The following ITGA1 variants were observed in gnomAD, a reference collection of about 807,000 sequenced individuals.
ITGA1 encodes integrin alpha-1.
A neutral mutation model predicts 145.9 loss-of-function variants in ITGA1; 85 were observed. The observed-to-expected ratio is 0.58, with a 90% CI of 0.49 to 0.70. The LOEUF is 0.70. Among genes scored for constraint, ITGA1 ranks in the 30% least tolerant of loss-of-function variants. The pLI, the probability that ITGA1 is intolerant of heterozygous loss-of-function variation, is 0.00. For missense variants in ITGA1, 1,351 were observed against 1,418.7 expected (o/e 0.95, Z 0.77); for synonymous variants, 520 against 495.3 (o/e 1.05, Z -0.66).
In ITGA1 at chr5:52,920,450, G is replaced by A; in HGVS notation, c.2274G>A (p.Lys758=). 6.2e-7 allele frequency: 1 copy of A among 1,605,132 alleles called. No homozygotes were observed. The highest frequency in any genetic ancestry group is 8.5e-7 in the Non-Finnish European group (1 of 1,176,758). The change falls in exon 17 of 29, where the codon AAG becomes AAA. Residue 758 remains lysine (K), a synonymous_variant. Transcript: ENST00000282588. ...CAGTTCGAAAATCAGAATGCACTAA[G>A]CACTCCTTCTACATGTTGGCAAGTA... ...NITVRKSECT[K]HSFYMLDKHD...
In ITGA1 at chr5:52,952,461, T is replaced by A; in HGVS notation, c.*10T>A. On this transcript the variant is annotated 3_prime_UTR_variant, in exon 29 of 29. Coordinates refer to ENST00000282588, the MANE Select transcript of ITGA1 (RefSeq NM_181501.2). ...GAAAATGGAGAAATGAAATATTTTATGAAAGAAAATAATAACAATTATTCA... is the reference window on the plus strand; with the variant it reads ...GAAAATGGAGAAATGAAATATTTTAAGAAAGAAAATAATAACAATTATTCA... 3.2e-6 allele frequency: 4 copies of A among 1,257,606 alleles called. No homozygotes were observed. Among genetic ancestry groups the A allele is most frequent in the Middle Eastern group, 1.9e-4 (1 of 5,244 alleles). The allele number at this position is 1,257,606 out of a possible 1,614,324, so 77.9% of individuals were successfully genotyped here.
chr5:52,882,624 T>A (rs1561236416), intron 7 of ITGA1, among the ~76,000 whole-genome samples: 2 of 152,180 alleles, frequency 1.3e-5, no homozygotes, highest in African/African-American at 4.8e-5. Flanking sequence ...CTTTCTTCCA[T>A]CTGCAGTTTT....
intron 1 of ITGA1, among the ~76,000 whole-genome samples, chr5:52,794,250 C>T (rs1748296178): frequency 6.6e-6 from 1 of 151,422 alleles, no homozygotes; most frequent in Non-Finnish European, 1.5e-5. Flanking sequence ...TTAAATATAG[C>T]ACCTAAGTCA....
At chr5:52,843,984 G>C (rs1457408943) in intron 1 of ITGA1, among the ~76,000 whole-genome samples, 1 of 152,094 alleles carries the variant, frequency 6.6e-6, no homozygotes, top group East Asian at 1.9e-4. Flanking sequence ...TAAGCAGAAA[G>C]CACTGCAGAG....
At chr5:52,900,128 T>C (rs1750291764) in intron 11 of ITGA1, among the ~76,000 whole-genome samples, 1 of 152,154 alleles carries the variant, frequency 6.6e-6, no homozygotes, top group Non-Finnish European at 1.5e-5. Flanking sequence ...GTATGATATG[T>C]GCTATGACAC....
At chr5:52,942,042 C>T (rs1263998961) in intron 26 of ITGA1, among the ~76,000 whole-genome samples, 10 of 152,110 alleles carry the variant, frequency 6.6e-5, no homozygotes, top group Non-Finnish European at 1.5e-5. Context: ...ATTCCTTTCC[C>T]CATTGCTTGT....
chr5:52,943,923 G>A (rs1751089221), intron 26 of ITGA1, among the ~76,000 whole-genome samples: 1 of 152,300 alleles, frequency 6.6e-6, no homozygotes, highest in East Asian at 1.9e-4. Flanking sequence ...AGGTCACAGG[G>A]AAAGTACTCA....
chr5:52,910,935 T>A (rs143752577), intron 14 of ITGA1, among the ~76,000 whole-genome samples: 12,115 of 137,874 alleles, frequency 0.088, 1,456 homozygotes, highest in African/African-American at 0.27. Context: ...GTATATATGG[T>A]ATGTATACTG....
At chr5:52,826,917 T>C (rs1285058321) in intron 1 of ITGA1, among the ~76,000 whole-genome samples, 1 of 152,296 alleles carries the variant, frequency 6.6e-6, no homozygotes, top group South Asian at 2.1e-4. Flanking sequence ...TGATACAAGA[T>C]TCATTCTGTA....
intron 1 of ITGA1, among the ~76,000 whole-genome samples, chr5:52,839,636 A>G (rs1749221483): frequency 6.6e-6 from 1 of 152,180 alleles, no homozygotes; most frequent in African/African-American, 2.4e-5. Flanking sequence ...ATTAATTAAC[A>G]TATAATTTCT....
At chr5:52,883,550 C>T (rs1228944009) in intron 7 of ITGA1, among the ~76,000 whole-genome samples, 4 of 152,172 alleles carry the variant, frequency 2.6e-5, no homozygotes, top group African/African-American at 9.7e-5. Context: ...TTATTCCTTT[C>T]AGGCAGAAGT....
Position 52,848,555 on chromosome 5 carries a change from G to T in ITGA1, c.62-810G>T, listed in dbSNP as rs373001778. Among the ~76,000 whole-genome samples, 4 of 152,038 alleles carry T rather than the reference G, an allele frequency of 2.6e-5. No individual in the cohort carries two copies. The East Asian group carries it at 7.7e-4, about 29-fold the overall frequency. ...ATTTGTGTTCTTTAAAGTCATTATG[G>T]TTTTTTATTTTTTATTGTATTATTA... is the stretch of plus-strand genomic sequence containing the variant. On this transcript the variant is annotated intron_variant, in intron 1 of 28. Transcript: ENST00000282588.
chr5:52,913,333 T>C (rs1750596830), intron 14 of ITGA1, among the ~76,000 whole-genome samples: 1 of 152,206 alleles, frequency 6.6e-6, no homozygotes, highest in Non-Finnish European at 1.5e-5. Flanking sequence ...ATTAAATTTA[T>C]ATTTATCCAT....
intron 23 of ITGA1, among the ~76,000 whole-genome samples, chr5:52,935,432 T>C (rs974522735): frequency 3.3e-5 from 5 of 152,054 alleles, no homozygotes; most frequent in South Asian, 2.1e-4. Context: ...GTGAAGAGAT[T>C]ATCATATATT....
chr5:52,892,060 C>T (rs1029827509), intron 8 of ITGA1, among the ~76,000 whole-genome samples: 4 of 151,536 alleles, frequency 2.6e-5, no homozygotes, highest in East Asian at 1.9e-4. Context: ...AATCTACAGA[C>T]GGGAAGAAAA....
intron 8 of ITGA1, among the ~76,000 whole-genome samples, chr5:52,891,412 T>C (rs1477670078): frequency 1.3e-5 from 2 of 151,954 alleles, no homozygotes; most frequent in African/African-American, 4.8e-5. Context: ...CTCAACATAA[T>C]TATTGCTTGT....
intron 27 of ITGA1, among the ~76,000 whole-genome samples, chr5:52,945,293 T>C (rs1243568455): frequency 6.6e-6 from 1 of 152,188 alleles, no homozygotes; most frequent in Non-Finnish European, 1.5e-5. Context: ...ACTATCACGG[T>C]AAATGGATGT....
chr5:52,789,255 AG>A (rs1748192426), intron 1 of ITGA1, among the ~76,000 whole-genome samples: 1 of 152,094 alleles, frequency 6.6e-6, no homozygotes, highest in Admixed American at 6.5e-5. Flanking sequence ...AAATGGAAGA[AG>A]GTGGGGGGAA....
intron 20 of ITGA1, among the ~76,000 whole-genome samples, chr5:52,928,243 A>T (rs543073687): frequency 1.3e-4 from 20 of 152,208 alleles, no homozygotes; most frequent in Non-Finnish European, 2.2e-4. Context: ...TACATAACAT[A>T]TCTAATTTAT....
Sources: gnomAD v4.1 joint callset for allele counts (sites outside exome capture counted in the v4.1 genomes callset) on GRCh38, gnomAD v4.1.1 for gene constraint, MANE v1.5 for transcripts, NCBI Gene and HGNC (gene_info 2026-07-23, HGNC 2026-07-21) for gene names.